Variants in KLHL6 observed in about 807,000 individuals in gnomAD.
KLHL6 encodes the protein kelch like family member 6.
In KLHL6, 41 loss-of-function variants were observed where a neutral mutation model predicts 58.6. The observed-to-expected ratio is 0.70, with a 90% CI of 0.55 to 0.91. The LOEUF (loss-of-function observed/expected upper bound fraction) is 0.91, where lower values mean the gene tolerates loss of function less well. KLHL6 is among the 40% of genes least tolerant of loss of function. The pLI is 0.00. For missense variants in KLHL6, 714 were observed against 805.6 expected, an observed-to-expected ratio of 0.89 and a Z score of 1.38; for synonymous variants, 338 against 322.7, an observed-to-expected ratio of 1.05 and a Z score of -0.51.
intron 2 of KLHL6, among the ~76,000 whole-genome samples, chr3:183,522,092 A>G (rs1711783104): frequency 4.7e-5 from 7 of 149,290 alleles, no homozygotes; most frequent in Admixed American, 4.0e-4. Context: ...TTGGGAGGCC[A>G]AGCCAGGTGG....
At chr3:183,528,225 C>T (rs964911926) in intron 1 of KLHL6, among the ~76,000 whole-genome samples, 4 of 152,144 alleles carry the variant, frequency 2.6e-5, no homozygotes, top group Admixed American at 1.3e-4. Flanking sequence ...CCTCCATGCC[C>T]GATTGTGATC....
intron 3 of KLHL6, among the ~76,000 whole-genome samples, chr3:183,502,302 C>CAAAA (rs56296492): frequency 4.3e-5 from 6 of 138,800 alleles, no homozygotes; most frequent in African/African-American, 1.4e-4. Flanking sequence ...AACTCCATCT[C>CAAAA]AAAAAAAAAA....
chr3:183,546,965 G>A (rs954738157), intron 1 of KLHL6, among the ~76,000 whole-genome samples: 1 of 143,886 alleles, frequency 6.9e-6, no homozygotes, highest in African/African-American at 2.6e-5. Flanking sequence ...AGGTTGGAAT[G>A]CAGTGGCATG....
intron 1 of KLHL6, chr3:183,549,022 C>T (rs550475892): frequency 6.6e-6 from 1 of 151,724 alleles, no homozygotes; most frequent in Admixed American, 6.5e-5. Flanking sequence ...GGAGGGAGAG[C>T]ATTAGGAAAA....
At chr3:183,517,597 G>C (rs1711608254) in intron 2 of KLHL6, among the ~76,000 whole-genome samples, 1 of 152,202 alleles carries the variant, frequency 6.6e-6, no homozygotes, top group Admixed American at 6.5e-5. Context: ...AGGGACTGAG[G>C]CAACTGTGGA....
chr3:183,538,401 CT>C (rs111585587), intron 1 of KLHL6, among the ~76,000 whole-genome samples: 4 of 152,210 alleles, frequency 2.6e-5, no homozygotes, highest in South Asian at 4.1e-4. Flanking sequence ...TGTCTGCCCC[CT>C]GTTCTGTCCT....
At chr3:183,494,389 C>T (rs1245531114) in intron 4 of KLHL6, 108 bp from the exon 5 acceptor site, 8 of 862,280 alleles carry the variant, frequency 9.3e-6, no homozygotes, top group Non-Finnish European at 1.5e-5. Flanking sequence ...GCCAGCCCTA[C>T]CCTGAGGGGA....
chr3:183,508,760 A>G (rs1718096382), intron 2 of KLHL6, among the ~76,000 whole-genome samples: 1 of 152,248 alleles, frequency 6.6e-6, no homozygotes, highest in African/African-American at 2.4e-5. Context: ...GGAGCTAAAT[A>G]CATATAATTC....
At chr3:183,519,223 G>A (rs921246065) in intron 2 of KLHL6, among the ~76,000 whole-genome samples, 2 of 152,180 alleles carry the variant, frequency 1.3e-5, no homozygotes, top group Non-Finnish European at 2.9e-5. Context: ...TAGCTGAGAG[G>A]ATTGCCAGAC....
In KLHL6 at chr3:183,555,544, T is replaced by A; in HGVS notation, c.110A>T (p.Asp37Val). 6.2e-7 allele frequency: 1 copy of A among 1,614,104 alleles called. No homozygotes were observed. The highest frequency in any genetic ancestry group is 2.2e-5 in the East Asian group (1 of 44,882). Residue 37 changes from aspartate (D) to valine (V), a missense_variant, in exon 1 of 7, where the codon GAC becomes GTC. Asp to Val is a radical substitution (Grantham distance 152). This residue lies in a region of KLHL6 where 204 missense variants were observed against 175.9 expected (regional missense o/e 1.16). Transcript: ENST00000341319. Reference protein sequence around the residue: ...STDEPSQKTGDLVEILNGEKV... With the variant: ...STDEPSQKTGVLVEILNGEKV... Reference sequence around the variant, plus strand: ...TTCCCCATTTAAGATCTCGACCAAGTCTCCTGTTTTCTGGGAGGGCTCATC... The same window carrying A: ...TTCCCCATTTAAGATCTCGACCAAGACTCCTGTTTTCTGGGAGGGCTCATC...
At chr3:183,537,828 T>A (rs2108691095) in intron 1 of KLHL6, among the ~76,000 whole-genome samples, 1 of 152,284 alleles carries the variant, frequency 6.6e-6, no homozygotes, top group African/African-American at 2.4e-5. Flanking sequence ...CCTTTATTTT[T>A]CTTCATAGCT....
At chr3:183,529,346 C>A (rs1258807040) in intron 1 of KLHL6, among the ~76,000 whole-genome samples, 1 of 151,766 alleles carries the variant, frequency 6.6e-6, no homozygotes, top group East Asian at 1.9e-4. Context: ...TTACCCCATG[C>A]CAGGCCCCAT....
chr3:183,488,062 G>A lies in KLHL6; in HGVS notation c.*3865C>T, dbSNP rs1054352824. On this transcript the variant is annotated 3_prime_UTR_variant, in exon 7 of 7. Transcript: ENST00000341319. ...GAGCGTAGTTTGCTTTGAGTTCAAGGGCATGGTGTATGTGTATATGTGTGT... is the reference window on the plus strand; with the variant it reads ...GAGCGTAGTTTGCTTTGAGTTCAAGAGCATGGTGTATGTGTATATGTGTGT... The A allele has an allele frequency of 6.6e-6, 1 of 152,200 alleles. No homozygotes were observed. The highest frequency in any genetic ancestry group is 2.4e-5 in the African/African-American group (1 of 41,446). 9.4% of individuals were successfully genotyped at this position (152,200 alleles called of 1,614,324 possible). A position where few individuals can be genotyped will look rare whatever the true frequency, so the allele number is the denominator to read the frequency against.
intron 1 of KLHL6, among the ~76,000 whole-genome samples, chr3:183,533,254 TTTCC>T (rs200052257): frequency 7.3e-5 from 11 of 151,720 alleles, no homozygotes; most frequent in Non-Finnish European, 4.4e-5. Context: ...TCATCAGTTC[TTTCC>T]TTCCTTCCTT....
chr3:183,531,437 G>T (rs374950567), intron 1 of KLHL6, among the ~76,000 whole-genome samples: 19 of 132,734 alleles, frequency 1.4e-4, no homozygotes, highest in Admixed American at 2.2e-4. Flanking sequence ...TTCTTTTTTT[G>T]TCTGTGTTTT....
intron 1 of KLHL6, among the ~76,000 whole-genome samples, chr3:183,542,641 T>C (rs1030270582): frequency 3.9e-5 from 6 of 152,124 alleles, no homozygotes; most frequent in Admixed American, 2.6e-4. Flanking sequence ...AGCAAACCTC[T>C]CACAGCCCCT....
chr3:183,492,577 T>C lies in KLHL6; in HGVS notation c.1481A>G (p.Asn494Ser). The C allele has an allele frequency of 6.2e-7, 1 of 1,614,198 alleles. No individual in the cohort carries two copies. The highest frequency in any genetic ancestry group is 8.5e-7 in the Non-Finnish European group (1 of 1,180,030). ...CATGGCCGCCTTCAAACTCCACTTG[T>C]TGGTGGAAGGGTCATAACACTGAGT... ...DKTQCYDPST[N>S]KWSLKAAMPV... Residue 494 changes from asparagine to serine, a missense_variant, in exon 6 of 7, where the codon AAC becomes AGC. Around this residue, in one of 2 missense-constraint regions of KLHL6, gnomAD observed 510 missense variants for 629.7 expected, o/e 0.81. Transcript: ENST00000341319. The surrounding 1 kb of genome is among the most constrained non-coding windows in gnomAD (Gnocchi z 5.9).
chr3:183,525,822 C>T (rs1016901594), intron 2 of KLHL6, among the ~76,000 whole-genome samples: 3 of 152,118 alleles, frequency 2.0e-5, no homozygotes, highest in South Asian at 2.1e-4. Flanking sequence ...TAGTAAGATG[C>T]GAAACAGGAT....
chr3:183,529,081 A>G (rs533943848), intron 1 of KLHL6, among the ~76,000 whole-genome samples: 22 of 152,328 alleles, frequency 1.4e-4, no homozygotes, highest in African/African-American at 5.3e-4. Context: ...CTTACTTATA[A>G]GTGGAAGCTA....
Sources: allele counts gnomAD v4.1 joint callset (sites outside exome capture counted in the v4.1 genomes callset), GRCh38; gene constraint gnomAD v4.1.1; regional missense constraint gnomAD v4.1.1; non-coding constraint Gnocchi (gnomAD v3.1); transcripts MANE v1.5; gene names NCBI Gene and HGNC (gene_info 2026-07-23, HGNC 2026-07-21).